The following TMEM132C variants were observed in gnomAD, a reference collection of about 807,000 sequenced individuals.
The protein encoded by TMEM132C is transmembrane protein 132C.
A neutral mutation model predicts 61.4 loss-of-function variants in TMEM132C; 29 were observed. The observed-to-expected ratio is 0.47, with a 90% CI of 0.35 to 0.64. The LOEUF is 0.64. Ranked by LOEUF, TMEM132C falls within the 30% of genes least tolerant of loss-of-function variation. The pLI is 0.00. For missense variants in TMEM132C, 1,408 were observed against 1,476.9 expected (o/e 0.95, Z 0.76); for synonymous variants, 656 against 633.1 (o/e 1.04, Z -0.54).
chr12:128,480,925 G>T (rs1347153585), intron 2 of TMEM132C, among the ~76,000 whole-genome samples: 3 of 152,220 alleles, frequency 2.0e-5, no homozygotes, highest in African/African-American at 7.2e-5. Flanking sequence ...TGTCAGCTCA[G>T]AGAGGGTGGG....
intron 1 of TMEM132C, among the ~76,000 whole-genome samples, chr12:128,356,465 T>G (rs1593022886): frequency 6.6e-6 from 1 of 152,304 alleles, no homozygotes; most frequent in East Asian, 1.9e-4. Flanking sequence ...ATTAAAACCA[T>G]GTTATTTTAT....
intron 2 of TMEM132C, among the ~76,000 whole-genome samples, chr12:128,437,081 G>A (rs986640749): frequency 6.6e-6 from 1 of 152,116 alleles, no homozygotes; most frequent in East Asian, 1.9e-4. Context: ...TCAATCATAG[G>A]TGGGAATTGA....
chr12:128,569,849 C>T (rs889988805), intron 3 of TMEM132C, among the ~76,000 whole-genome samples: 5 of 152,162 alleles, frequency 3.3e-5, no homozygotes, highest in African/African-American at 9.7e-5. Flanking sequence ...GCCCTGATCG[C>T]ATTCCATCTT....
At chr12:128,603,264 G>A (rs1017174000) in intron 3 of TMEM132C, among the ~76,000 whole-genome samples, 6 of 152,348 alleles carry the variant, frequency 3.9e-5, no homozygotes, top group South Asian at 2.1e-4. Context: ...ATTCAGGCGG[G>A]TGAGGAGACA....
At position 128,415,510 on chromosome 12, in the gene TMEM132C, G is replaced by A. The variant is rs1565929577; in HGVS notation, c.864G>A (p.Leu288=). ...QDSAQLSELR[L]DGNVVIWLPS... ...GCGCCCAGCTCAGCGAGCTGCGTTT[G>A]GATGGTAACGTGGTCATCTGGCTGC... The change falls in exon 2 of 9, where the codon TTG becomes TTA. Residue 288 remains leucine, a synonymous_variant. Coordinates refer to ENST00000435159, the MANE Select transcript of TMEM132C (RefSeq NM_001136103.3). This position sits in a 1 kb window ranked among gnomAD's most constrained non-coding sequence, Gnocchi z 5.8. 6.4e-7 allele frequency: 1 copy of A among 1,551,558 alleles called. No individual in the cohort carries two copies. The highest frequency in any genetic ancestry group is 1.2e-5 in the South Asian group (1 of 84,062).
At chr12:128,268,187 G>T (rs77642413) in intron 1 of TMEM132C, among the ~76,000 whole-genome samples, 2 of 152,172 alleles carry the variant, frequency 1.3e-5, no homozygotes, top group South Asian at 4.1e-4. Flanking sequence ...TCCTGTCCGG[G>T]GCTCCTTCAC....
Position 128,539,893 on chromosome 12 carries a change from G to A in TMEM132C, c.975-4064G>A, listed in dbSNP as rs187815154. On this transcript the variant is annotated intron_variant, in intron 2 of 8. Transcript: ENST00000435159. ...ATTCATTGTGCTGATCACATAGTGGGCTCTTCCAATCTGAAAACACATCCT... is the reference window on the plus strand; with the variant it reads ...ATTCATTGTGCTGATCACATAGTGGACTCTTCCAATCTGAAAACACATCCT... Among the ~76,000 whole-genome samples, 222 of 152,172 alleles carry A rather than the reference G, an allele frequency of 1.5e-3. 2 individuals carry two copies. The highest frequency in any genetic ancestry group is 5.2e-3 in the African/African-American group (214 of 41,504).
chr12:128,483,371 G>A (rs1340208383), intron 2 of TMEM132C, among the ~76,000 whole-genome samples: 2 of 147,248 alleles, frequency 1.4e-5, no homozygotes, highest in South Asian at 2.1e-4. Context: ...ACAAGCAGCC[G>A]AAGGGGCCAT....
chr12:128,273,255 T>C (rs1027100038), intron 1 of TMEM132C, among the ~76,000 whole-genome samples: 1 of 152,138 alleles, frequency 6.6e-6, no homozygotes, highest in Non-Finnish European at 1.5e-5. Flanking sequence ...ATACTTAGGA[T>C]TTTTTTGTTG....
At chr12:128,550,491 G>T (rs1423341675) in intron 3 of TMEM132C, among the ~76,000 whole-genome samples, 3 of 152,088 alleles carry the variant, frequency 2.0e-5, no homozygotes, top group Non-Finnish European at 2.9e-5. Flanking sequence ...TTTTTGTAGA[G>T]ATAGGGTTTC....
intron 1 of TMEM132C, among the ~76,000 whole-genome samples, chr12:128,350,965 C>T (rs145640126): frequency 1.2e-4 from 19 of 152,194 alleles, no homozygotes; most frequent in African/African-American, 4.6e-4. Context: ...AGCAGCTGTA[C>T]TGAATCATGA....
At chr12:128,408,251 G>A (rs1260313898) in intron 1 of TMEM132C, among the ~76,000 whole-genome samples, 2 of 152,214 alleles carry the variant, frequency 1.3e-5, no homozygotes, top group African/African-American at 2.4e-5. Context: ...AATAAACTCA[G>A]CATTTGCTTA....
At chr12:128,545,698 T>C (rs919571297) in intron 3 of TMEM132C, among the ~76,000 whole-genome samples, 3 of 152,262 alleles carry the variant, frequency 2.0e-5, no homozygotes, top group Non-Finnish European at 2.9e-5. Context: ...TTTACATTTC[T>C]CTGATGATTA....
In TMEM132C at chr12:128,368,969, G is replaced by A. The variant is rs117178392; in HGVS notation, c.86-45763G>A. 6.8e-3 allele frequency among the ~76,000 whole-genome samples: 1,035 copies of A among 152,264 alleles called. 7 individuals carry two copies. Among genetic ancestry groups the A allele is most frequent in the Middle Eastern group, 0.014 (4 of 294 alleles). ...ACTTAGAAAAATACTCCAGGGATGT[G>A]CTTTGCAAGCTCCTGTTCCCTCCAG... On this transcript the variant is annotated intron_variant, in intron 1 of 8. Coordinates refer to ENST00000435159, the MANE Select transcript of TMEM132C (RefSeq NM_001136103.3).
chr12:128,340,918 C>T (rs199929484), intron 1 of TMEM132C, among the ~76,000 whole-genome samples: 2 of 44,524 alleles, frequency 4.5e-5, no homozygotes, highest in Non-Finnish European at 6.2e-5. Flanking sequence ...CTCTCTCTTT[C>T]TCTCTCTCTC....
chr12:128,388,674 G>A (rs763283697), intron 1 of TMEM132C, among the ~76,000 whole-genome samples: 4 of 152,334 alleles, frequency 2.6e-5, no homozygotes, highest in Non-Finnish European at 2.9e-5. Flanking sequence ...CCATCACCTT[G>A]CTGTGGGGGC....
intron 1 of TMEM132C, among the ~76,000 whole-genome samples, chr12:128,290,693 A>G (rs1458909140): frequency 6.6e-6 from 1 of 152,102 alleles, no homozygotes; most frequent in Non-Finnish European, 1.5e-5. Context: ...AACTTTAAAC[A>G]TATATGCCCT....
intron 4 of TMEM132C, among the ~76,000 whole-genome samples, chr12:128,646,768 G>A (rs934734744): frequency 5.3e-5 from 8 of 152,120 alleles, no homozygotes; most frequent in Admixed American, 4.6e-4. Context: ...CATTGGATAT[G>A]AGTGTGTTTA....
chr12:128,615,573 A>G (rs947072647), intron 3 of TMEM132C, among the ~76,000 whole-genome samples: 1 of 152,146 alleles, frequency 6.6e-6, no homozygotes, highest in African/African-American at 2.4e-5. Context: ...GCAGTTCACA[A>G]TACAGTTCAT....
Sources: allele counts gnomAD v4.1 joint callset (sites outside exome capture counted in the v4.1 genomes callset), GRCh38; gene constraint gnomAD v4.1.1; non-coding constraint Gnocchi (gnomAD v3.1); transcripts MANE v1.5; gene names NCBI Gene and HGNC (gene_info 2026-07-23, HGNC 2026-07-21).